Variants in GPD2 observed in about 807,000 individuals in gnomAD.
GPD2 encodes the protein glycerol-3-phosphate dehydrogenase, mitochondrial.
Under a neutral mutation model 82.4 loss-of-function variants are expected in GPD2, and 54 were observed. That is an observed-to-expected ratio of 0.66 (90% CI 0.53 to 0.82). The LOEUF is 0.82. Ranked by LOEUF, GPD2 falls within the 40% of genes least tolerant of loss-of-function variation. The pLI, the probability that GPD2 is intolerant of heterozygous loss-of-function variation, is 0.00. For synonymous variants in GPD2, 288 were observed against 306.1 expected, an observed-to-expected ratio of 0.94 and a Z score of 0.62; for missense variants, 748 against 896.2, an observed-to-expected ratio of 0.83 and a Z score of 2.11.
At chr2:156,401,463 A>G in the GPD2 span, among the ~76,000 whole-genome samples, 2 of 152,346 alleles carry the variant, frequency 1.3e-5, no homozygotes, top group East Asian at 3.8e-4. Context: ...TCATGTATGC[A>G]CAGGATTACA....
intron 13 of GPD2, among the ~76,000 whole-genome samples, chr2:156,576,750 C>T (rs929570308): frequency 4.6e-5 from 7 of 152,100 alleles, no homozygotes; most frequent in Admixed American, 1.3e-4. Context: ...TTCCATAATT[C>T]CTTGTTTGAT....
chr2:156,510,996 TC>T, intron 4 of GPD2, 76 bp downstream of exon 4: 1 of 1,255,928 alleles, frequency 8.0e-7, no homozygotes, highest in South Asian at 1.2e-5. Flanking sequence ...GGTTTTTTTT[TC>T]TTTAATGGCT....
chr2:156,537,816 C>T (rs1686139076), intron 6 of GPD2, among the ~76,000 whole-genome samples: 1 of 152,170 alleles, frequency 6.6e-6, no homozygotes, highest in Non-Finnish European at 1.5e-5. Context: ...TTGAAACTCT[C>T]ACATATTTAT....
chr2:156,566,634 G>T (rs1687401715), intron 9 of GPD2, among the ~76,000 whole-genome samples: 1 of 152,086 alleles, frequency 6.6e-6, no homozygotes, highest in African/African-American at 2.4e-5. Context: ...CACTTGGTTT[G>T]CTTCTACCTT....
At chr2:156,401,189 C>T in the GPD2 span, among the ~76,000 whole-genome samples, 15 of 152,140 alleles carry the variant, frequency 9.9e-5, no homozygotes, top group South Asian at 2.1e-4. Flanking sequence ...GCGTGGCAGG[C>T]GAGAATTCTA....
intron 2 of GPD2, among the ~76,000 whole-genome samples, chr2:156,486,470 T>C (rs1216979344): frequency 6.6e-6 from 1 of 152,230 alleles, no homozygotes; most frequent in Non-Finnish European, 1.5e-5. Context: ...TTGCATTTCA[T>C]TTTCAACTAT....
Position 156,444,508 on chromosome 2 carries a change from T to A in GPD2, c.-9+7995T>A, listed in dbSNP as rs140573244. Among the ~76,000 whole-genome samples, 1,168 of 151,996 alleles carry A rather than the reference T, an allele frequency of 7.7e-3. 3 individuals carry two copies. The highest frequency in any genetic ancestry group is 0.012 in the Non-Finnish European group (782 of 67,974). ...CAGGTGGATTGCTTGAGGCCAGGAG[T>A]TTGAGACCAGCCTGGCCAACGTGGC... On this transcript the variant is annotated intron_variant, in intron 1 of 16. Coordinates refer to ENST00000438166, the MANE Select transcript of GPD2 (RefSeq NM_000408.5).
intron 1 of GPD2, among the ~76,000 whole-genome samples, chr2:156,466,191 C>T (rs574242417): frequency 5.3e-5 from 8 of 152,170 alleles, no homozygotes; most frequent in South Asian, 4.2e-4. Flanking sequence ...TAGGATTGTA[C>T]GACTTTAAAC....
At chr2:156,462,334 G>T (rs927594699) in intron 1 of GPD2, among the ~76,000 whole-genome samples, 2 of 151,826 alleles carry the variant, frequency 1.3e-5, no homozygotes, top group Admixed American at 1.3e-4. Flanking sequence ...TGCCCAGGCT[G>T]GAGTCCAATG....
the GPD2 span, among the ~76,000 whole-genome samples, chr2:156,400,770 G>C: frequency 6.6e-6 from 1 of 152,330 alleles, no homozygotes; most frequent in South Asian, 2.1e-4. Flanking sequence ...TTTCGGCTGG[G>C]GGATGTAGCT....
chr2:156,457,995 G>C (rs1192573757), intron 1 of GPD2, among the ~76,000 whole-genome samples: 2 of 152,152 alleles, frequency 1.3e-5, no homozygotes, highest in African/African-American at 2.4e-5. Context: ...ATTCACCCAG[G>C]GCTGTCTGTG....
intron 2 of GPD2, among the ~76,000 whole-genome samples, chr2:156,493,926 A>ATGTGTGTGTG (rs542950582): frequency 6.2e-4 from 84 of 136,290 alleles, no homozygotes; most frequent in African/African-American, 1.7e-3. Context: ...ATATATATGT[A>ATGTGTGTGTG]TGTGTGTGTG....
intron 3 of GPD2, among the ~76,000 whole-genome samples, chr2:156,505,624 G>A (rs1684759926): frequency 6.6e-6 from 1 of 152,148 alleles, no homozygotes; most frequent in Admixed American, 6.5e-5. Flanking sequence ...TTCCCTGCCT[G>A]TAATGTAAGG....
intron 1 of GPD2, among the ~76,000 whole-genome samples, chr2:156,442,216 C>G (rs566687523): frequency 1.5e-4 from 23 of 152,244 alleles, no homozygotes; most frequent in Non-Finnish European, 3.1e-4. Context: ...TTTCTAGAAG[C>G]TGCTACTGTC....
At chr2:156,430,753 T>A (rs978172678), upstream of GPD2, among the ~76,000 whole-genome samples, 3 of 152,228 alleles carry the variant, frequency 2.0e-5, no homozygotes, top group Non-Finnish European at 4.4e-5. Flanking sequence ...ATGGGAAAAA[T>A]TTGTTTTTCT....
chr2:156,463,598 G>A lies in GPD2; in HGVS notation c.-8-12500G>A, dbSNP rs1683059135. On this transcript the variant is annotated intron_variant, in intron 1 of 16. Transcript: ENST00000438166. ...AGGCTAGCTCATATATAGTTGGAGT[G>A]AGGATCAGCAAGTTCAAGTGATTTG... Among the ~76,000 whole-genome samples, 4 of 152,292 alleles carry A rather than the reference G, an allele frequency of 2.6e-5. No individual in the cohort carries two copies. In the South Asian group the frequency reaches 8.3e-4, roughly 32 times the overall value.
At chr2:156,488,544 C>A (rs1002881296) in intron 2 of GPD2, among the ~76,000 whole-genome samples, 2 of 152,056 alleles carry the variant, frequency 1.3e-5, no homozygotes, top group African/African-American at 4.8e-5. Flanking sequence ...TTTAAATATG[C>A]ACTTCTTTCA....
chr2:156,538,702 T>C (rs1488000158), intron 6 of GPD2, among the ~76,000 whole-genome samples: 3 of 150,672 alleles, frequency 2.0e-5, no homozygotes, highest in Non-Finnish European at 4.4e-5. Context: ...GCTCCTGTAG[T>C]CCCAGCTACT....
intron 7 of GPD2, 121 bp from the exon 8 acceptor site, chr2:156,550,481 A>T: frequency 1.0e-6 from 1 of 981,902 alleles, no homozygotes; most frequent in Non-Finnish European, 1.6e-6. Flanking sequence ...TGCTCAGGTC[A>T]CTTAGTGTGG....
Sources: allele counts gnomAD v4.1 joint callset (sites outside exome capture counted in the v4.1 genomes callset), GRCh38; gene constraint gnomAD v4.1.1; transcripts MANE v1.5; gene names NCBI Gene and HGNC (gene_info 2026-07-23, HGNC 2026-07-21).